Variants in COL19A1 observed in about 807,000 individuals in gnomAD.
COL19A1 encodes the protein collagen type XIX alpha 1 chain.
In COL19A1, 159 loss-of-function variants were observed where a neutral mutation model predicts 190.2. The ratio of observed to expected loss-of-function variants is 0.84; its 90% CI spans 0.73 to 0.95. The LOEUF is 0.95. Among genes scored for constraint, COL19A1 ranks in the 40% least tolerant of loss-of-function variants. The pLI, the probability that COL19A1 is intolerant of heterozygous loss-of-function variation, is 0.00. For synonymous variants in COL19A1, 509 were observed against 458.9 expected, an observed-to-expected ratio of 1.11 and a Z score of -1.39; for missense variants, 1,418 against 1,431.9, an observed-to-expected ratio of 0.99 and a Z score of 0.16.
At chr6:70,128,318 AC>A (rs1785323344) in intron 17 of COL19A1, among the ~76,000 whole-genome samples, 1 of 152,248 alleles carries the variant, frequency 6.6e-6, no homozygotes, top group Non-Finnish European at 1.5e-5. Context: ...TACCTAAGCC[AC>A]AAAGGTAAAT....
intron 9 of COL19A1, among the ~76,000 whole-genome samples, chr6:69,943,344 C>T (rs1773592189): frequency 6.6e-6 from 1 of 152,068 alleles, no homozygotes; most frequent in Admixed American, 6.6e-5. Context: ...CGTTTACTCC[C>T]ATTCTGCAGG....
chr6:70,151,285 A>C lies in COL19A1; in HGVS notation c.2038-112A>C, dbSNP rs543932629. ...TAAGCCAGTGATTCTAAAGTGAGACACCAGAAGCTTCATGGCATTTTGAGG... is the reference window on the plus strand; with the variant it reads ...TAAGCCAGTGATTCTAAAGTGAGACCCCAGAAGCTTCATGGCATTTTGAGG... On this transcript the variant is annotated intron_variant, in intron 30 of 50. Coordinates refer to ENST00000620364, the MANE Select transcript of COL19A1 (RefSeq NM_001858.6). The C allele has an allele frequency of 6.1e-5, 59 of 966,308 alleles. No homozygotes were observed. In the Admixed American group the frequency reaches 7.5e-4, roughly 12 times the overall value. 59.9% of individuals were successfully genotyped at this position (966,308 alleles called of 1,614,324 possible).
chr6:70,048,963 C>T (rs898984828), intron 14 of COL19A1, among the ~76,000 whole-genome samples: 3 of 151,654 alleles, frequency 2.0e-5, no homozygotes, highest in East Asian at 1.9e-4. Context: ...GCCCAAAGAG[C>T]GTAATTCCTC....
chr6:70,055,958 A>C (rs954810151), intron 14 of COL19A1, among the ~76,000 whole-genome samples: 1 of 151,660 alleles, frequency 6.6e-6, no homozygotes. Context: ...ATATTTTTCA[A>C]ATTTTCTCAT....
chr6:69,930,956 C>T (rs768642529), intron 6 of COL19A1, among the ~76,000 whole-genome samples: 1 of 152,128 alleles, frequency 6.6e-6, no homozygotes, highest in Non-Finnish European at 1.5e-5. Flanking sequence ...TGAGGATAAA[C>T]TTGAAGGCAT....
chr6:70,023,430 C>A (rs889836868), intron 11 of COL19A1, among the ~76,000 whole-genome samples, 197 bp from the exon 12 acceptor site: 7 of 152,288 alleles, frequency 4.6e-5, no homozygotes, highest in African/African-American at 1.7e-4. Flanking sequence ...ACCACTGCAC[C>A]TGGCTGCAGC....
chr6:69,867,703 T>TG lies in COL19A1; in HGVS notation c.-33+1068dup, dbSNP rs945045063. The TG allele has an allele frequency of 1.3e-4, 20 of 152,582 alleles. No homozygotes were observed. The East Asian group carries it at 3.7e-3, about 28-fold the overall frequency. The allele number at this position is 152,582 out of a possible 1,614,324, so 9.5% of individuals were successfully genotyped here. A position where few individuals can be genotyped will look rare whatever the true frequency, so the allele number is the denominator to read the frequency against. On this transcript the variant is annotated intron_variant, in intron 1 of 50. Transcript: ENST00000620364. ...CCGGCAAGAGGGTGGGCAGAGGAGC[T>TG]GGGGGACAGGCGGGTGCCACAGGAG...
intron 1 of COL19A1, among the ~76,000 whole-genome samples, chr6:69,869,013 T>C (rs1322626509): frequency 1.4e-5 from 2 of 144,312 alleles, no homozygotes; most frequent in Non-Finnish European, 3.0e-5. Flanking sequence ...GATATGCTAA[T>C]ATATAACCCT....
At chr6:70,184,648 G>A in intron 44 of COL19A1, 55 bp from the exon 45 acceptor site, 1 of 1,365,938 alleles carries the variant, frequency 7.3e-7, no homozygotes, top group Non-Finnish European at 1.0e-6. Flanking sequence ...TGCTTTTGTT[G>A]TGTTTAACTA....
At chr6:70,115,682 G>T (rs1184312439) in intron 16 of COL19A1, among the ~76,000 whole-genome samples, 1 of 152,118 alleles carries the variant, frequency 6.6e-6, no homozygotes, top group Non-Finnish European at 1.5e-5. Flanking sequence ...TTAATCCCAA[G>T]TATGAGAGCT....
At position 70,144,214 on chromosome 6, in the gene COL19A1, T is replaced by A; in HGVS notation, c.1631T>A (p.Leu544Ter). 1 of 1,612,182 alleles carries A rather than the reference T, an allele frequency of 6.2e-7. No individual in the cohort carries two copies. The highest frequency in any genetic ancestry group is 8.5e-7 in the Non-Finnish European group (1 of 1,178,702). ...TATTAACTCTGAGTTTTCTAGGGAT[T>A]GCCAGGAGAACATGGTATCCCAGGA... ...GPRGPPGDVG[L>*]PGEHGIPGKQ... is the part of the protein sequence containing the mutation. Residue 544 changes from leucine (L) to a stop codon, truncating the protein, a stop_gained, in exon 24 of 51, where the codon TTG becomes TAG. Coordinates refer to ENST00000620364, the MANE Select transcript of COL19A1 (RefSeq NM_001858.6). LOFTEE classifies it high-confidence loss of function.
chr6:70,034,257 G>A lies in COL19A1; in HGVS notation c.1093G>A (p.Asp365Asn). The A allele has an allele frequency of 6.2e-7, 1 of 1,612,468 alleles. No homozygotes were observed. The highest frequency in any genetic ancestry group is 1.1e-5 in the South Asian group (1 of 91,034). ...GLNGENGLKG[D>N]LGPHGPPGPK... is the part of the protein sequence containing the mutation. ...ATTCTTTCTACAGGGTTTGAAAGGT[G>A]ACTTGGGTCCTCATGGTCCACCTGG... The change falls in exon 13 of 51, where the codon GAC becomes AAC. Residue 365 changes from aspartate to asparagine, a missense_variant. Transcript: ENST00000620364.
At chr6:70,050,741 A>G (rs1025485185) in intron 14 of COL19A1, among the ~76,000 whole-genome samples, 7 of 152,136 alleles carry the variant, frequency 4.6e-5, no homozygotes, top group Admixed American at 6.6e-5. Flanking sequence ...AAAAATTTTC[A>G]GCAATAACAA....
At chr6:69,939,195 T>G (rs1773299966) in intron 9 of COL19A1, among the ~76,000 whole-genome samples, 1 of 152,136 alleles carries the variant, frequency 6.6e-6, no homozygotes, top group Non-Finnish European at 1.5e-5. Context: ...TAAAATGCAT[T>G]GCTTGGGGTA....
At chr6:69,998,085 TAA>T (rs1329264651) in intron 11 of COL19A1, among the ~76,000 whole-genome samples, 6 of 151,734 alleles carry the variant, frequency 4.0e-5, no homozygotes, top group Admixed American at 6.6e-5. Context: ...AGTGCAAAAA[TAA>T]AAAAGAGATT....
intron 17 of COL19A1, among the ~76,000 whole-genome samples, chr6:70,128,917 G>T (rs1439760063): frequency 1.3e-5 from 2 of 152,146 alleles, no homozygotes; most frequent in Non-Finnish European, 2.9e-5. Flanking sequence ...GAAGATAGTG[G>T]CACTATCTTC....
At position 70,122,066 on chromosome 6, in the gene COL19A1, T is replaced by C. The variant is rs1784916620; in HGVS notation, c.1341+124T>C. 4 of 574,326 alleles carry C rather than the reference T, an allele frequency of 7.0e-6. No individual in the cohort carries two copies. The South Asian group carries it at 1.2e-4, about 17-fold the overall frequency. 35.6% of individuals were successfully genotyped at this position (574,326 alleles called of 1,614,324 possible). ...ATACATGATCACATGTATTTAAACA[T>C]CTTTCCATACTGAAAGCTATGTTTT... is the stretch of plus-strand genomic sequence containing the variant. On this transcript the variant is annotated intron_variant, in intron 17 of 50. Transcript: ENST00000620364.
intron 9 of COL19A1, among the ~76,000 whole-genome samples, chr6:69,954,820 A>T (rs754888463): frequency 3.3e-5 from 5 of 152,078 alleles, no homozygotes; most frequent in Non-Finnish European, 4.4e-5. Flanking sequence ...AAAGATAAGT[A>T]ACCAATGGCT....
chr6:69,892,486 T>G (rs900916266), intron 2 of COL19A1, among the ~76,000 whole-genome samples: 1 of 151,478 alleles, frequency 6.6e-6, no homozygotes, highest in African/African-American at 2.4e-5. Flanking sequence ...AAATAGACTT[T>G]ACTTTTATAC....
Sources: gnomAD v4.1 joint callset for allele counts (sites outside exome capture counted in the v4.1 genomes callset) on GRCh38, gnomAD v4.1.1 for gene constraint, MANE v1.5 for transcripts, NCBI Gene and HGNC (gene_info 2026-07-23, HGNC 2026-07-21) for gene names.